The following HECW1 variants were observed in gnomAD, a reference collection of about 807,000 sequenced individuals.
HECW1 encodes HECT, C2 and WW domain containing E3 ubiquitin protein ligase 1, also known as E3 ubiquitin-protein ligase HECW1.
A neutral mutation model predicts 182.3 loss-of-function variants in HECW1; 61 were observed. The ratio of observed to expected loss-of-function variants is 0.33; its 90% CI spans 0.27 to 0.41. The LOEUF is 0.41. Ranked by LOEUF, HECW1 falls within the 10% of genes least tolerant of loss-of-function variation. HECW1 has a pLI of 1.00. For missense variants in HECW1, 1,739 were observed against 2,108.9 expected, an observed-to-expected ratio of 0.82 and a Z score of 3.44; for synonymous variants, 859 against 832.6, an observed-to-expected ratio of 1.03 and a Z score of -0.55.
intron 14 of HECW1, among the ~76,000 whole-genome samples, chr7:43,465,416 G>T (rs1268159705): frequency 2.0e-5 from 3 of 152,210 alleles, no homozygotes; most frequent in African/African-American, 7.2e-5. Flanking sequence ...TGCCACTAGG[G>T]TGGCTTGTTC....
intron 2 of HECW1, among the ~76,000 whole-genome samples, chr7:43,131,262 C>G (rs1437826556): frequency 6.6e-6 from 1 of 152,116 alleles, no homozygotes; most frequent in Non-Finnish European, 1.5e-5. Context: ...GAGACTCTAT[C>G]TCAAAAAAAA....
At chr7:43,517,689 C>T (rs978606543) in intron 24 of HECW1, among the ~76,000 whole-genome samples, 1 of 151,962 alleles carries the variant, frequency 6.6e-6, no homozygotes, top group Admixed American at 6.6e-5. Context: ...GACTTTTGAT[C>T]TGAGTTTAAG....
chr7:43,245,532 A>G (rs1389046006), intron 3 of HECW1: 1 of 152,208 alleles, frequency 6.6e-6, no homozygotes, highest in Non-Finnish European at 1.5e-5. Context: ...ATCTCAGCTC[A>G]TGGCATCTTC....
At chr7:43,213,360 T>C (rs771302392) in intron 2 of HECW1, among the ~76,000 whole-genome samples, 3 of 152,068 alleles carry the variant, frequency 2.0e-5, no homozygotes, top group Non-Finnish European at 4.4e-5. Context: ...TGTATACTAC[T>C]GATGATAACT....
chr7:43,178,308 C>T (rs1005168347), intron 2 of HECW1, among the ~76,000 whole-genome samples: 15 of 120,866 alleles, frequency 1.2e-4, no homozygotes, highest in Admixed American at 2.4e-4. Context: ...ACCTGGCCAG[C>T]AGGGTTCTAT....
chr7:43,310,997 A>T (rs997947124), intron 3 of HECW1, among the ~76,000 whole-genome samples: 5 of 152,166 alleles, frequency 3.3e-5, no homozygotes, highest in African/African-American at 9.7e-5. Context: ...TTTCAAAGTT[A>T]TCTGTGCCCA....
Position 43,114,159 on chromosome 7 carries a change from ATCAATGCTATGT to A in HECW1, c.-260_-249del. Reference sequence around the variant, plus strand: ...TTTCCCCCCTTCTCTTTGAAAAGATATCAATGCTATGTTCAGCAGAAACGGATACAGCAAGAG... The same window carrying A: ...TTTCCCCCCTTCTCTTTGAAAAGATATCAGCAGAAACGGATACAGCAAGAG... On this transcript the variant is annotated 5_prime_UTR_variant, in exon 2 of 30. The change abolishes an upstream ATG in the 5' untranslated region. Coordinates refer to ENST00000395891, the MANE Select transcript of HECW1 (RefSeq NM_015052.5). The A allele has an allele frequency of 9.8e-7, 1 of 1,019,662 alleles. No individual in the cohort carries two copies. Among genetic ancestry groups the A allele is most frequent in the Admixed American group, 3.2e-5 (1 of 31,156 alleles). 63.2% of individuals were successfully genotyped at this position (1,019,662 alleles called of 1,614,324 possible). A position where few individuals can be genotyped will look rare whatever the true frequency, so the allele number is the denominator to read the frequency against.
At chr7:43,552,523 A>G (rs1210007938) in intron 28 of HECW1, among the ~76,000 whole-genome samples, 187 bp downstream of exon 28, 1 of 152,066 alleles carries the variant, frequency 6.6e-6, no homozygotes, top group Non-Finnish European at 1.5e-5. Flanking sequence ...TATTTTCATC[A>G]CCCCAAAAGG....
At chr7:43,329,467 A>G (rs1034361788) in intron 5 of HECW1, among the ~76,000 whole-genome samples, 7 of 152,062 alleles carry the variant, frequency 4.6e-5, no homozygotes, top group Non-Finnish European at 8.8e-5. Flanking sequence ...AACAAAGAAC[A>G]CCTGGAATGA....
intron 3 of HECW1, among the ~76,000 whole-genome samples, chr7:43,297,450 A>G (rs535674674): frequency 2.0e-5 from 3 of 152,244 alleles, no homozygotes; most frequent in African/African-American, 7.2e-5. Flanking sequence ...GAGACTGTGG[A>G]TGTGTGTGGC....
At chr7:43,220,032 T>C (rs1796814398) in intron 2 of HECW1, among the ~76,000 whole-genome samples, 1 of 152,086 alleles carries the variant, frequency 6.6e-6, no homozygotes, top group South Asian at 2.1e-4. Flanking sequence ...ACTTCGCAAG[T>C]CAACACGGTC....
At chr7:43,292,325 A>G (rs1462830129) in intron 3 of HECW1, among the ~76,000 whole-genome samples, 1 of 152,212 alleles carries the variant, frequency 6.6e-6, no homozygotes, top group African/African-American at 2.4e-5. Flanking sequence ...ACACATTGCT[A>G]GTTAAGTTTT....
In HECW1 at chr7:43,444,092, C is replaced by T. The variant is rs2076969394; in HGVS notation, c.1046-126C>T. On this transcript the variant is annotated intron_variant, in intron 10 of 29. Coordinates refer to ENST00000395891, the MANE Select transcript of HECW1 (RefSeq NM_015052.5). The surrounding 1 kb of genome is among the most constrained non-coding windows in gnomAD (Gnocchi z 4.3). ...AGAGCTCTGGCCAGTGAGAAACCCT[C>T]ATCAACCTACATTCAATATCCTAAT... 1.0e-6 allele frequency: 1 copy of T among 969,554 alleles called. No homozygotes were observed. The highest frequency in any genetic ancestry group is 1.6e-5 in the African/African-American group (1 of 60,876). The allele number at this position is 969,554 out of a possible 1,614,324, so 60.1% of individuals were successfully genotyped here.
chr7:43,473,845 T>C (rs1437916671), intron 16 of HECW1, among the ~76,000 whole-genome samples: 1 of 152,180 alleles, frequency 6.6e-6, no homozygotes, highest in Admixed American at 6.5e-5. Flanking sequence ...AGAGTTTGTA[T>C]GACAAAGCAC....
At chr7:43,336,124 T>TCTC (rs1812181848) in intron 5 of HECW1, among the ~76,000 whole-genome samples, 3 of 64,248 alleles carry the variant, frequency 4.7e-5, no homozygotes, top group Admixed American at 1.6e-4. Context: ...CTTTCTTTCT[T>TCTC]TCTCTCTCTC....
chr7:43,402,651 G>A (rs1271071680), intron 7 of HECW1, among the ~76,000 whole-genome samples: 1 of 152,216 alleles, frequency 6.6e-6, no homozygotes, highest in East Asian at 1.9e-4. Context: ...CGAGAATTGG[G>A]GACATTGCAA....
At chr7:43,175,797 A>T (rs544510236) in intron 2 of HECW1, among the ~76,000 whole-genome samples, 2 of 152,310 alleles carry the variant, frequency 1.3e-5, no homozygotes, top group South Asian at 4.1e-4. Flanking sequence ...TGATAAATGC[A>T]GCCTTCATGA....
chr7:43,378,385 G>T (rs538851729), intron 6 of HECW1, among the ~76,000 whole-genome samples: 1 of 152,364 alleles, frequency 6.6e-6, no homozygotes, highest in East Asian at 1.9e-4. Context: ...TTTTCAGAGA[G>T]CAGCCTGTAA....
intron 8 of HECW1, among the ~76,000 whole-genome samples, chr7:43,412,610 C>T (rs141627229): frequency 4.9e-5 from 6 of 122,414 alleles, no homozygotes; most frequent in African/African-American, 1.5e-4. Flanking sequence ...CCCCTCCCCC[C>T]ACCCCACCAC....
Sources: allele counts gnomAD v4.1 joint callset (sites outside exome capture counted in the v4.1 genomes callset), GRCh38; gene constraint gnomAD v4.1.1; non-coding constraint Gnocchi (gnomAD v3.1); transcripts MANE v1.5; gene names NCBI Gene and HGNC (gene_info 2026-07-23, HGNC 2026-07-21).